The following C8orf34 variants were observed in gnomAD, a reference collection of about 807,000 sequenced individuals.
C8orf34 encodes uncharacterized protein C8orf34.
A neutral mutation model predicts 68.3 loss-of-function variants in C8orf34; 65 were observed. That is an observed-to-expected ratio of 0.95 (90% CI 0.78 to 1.17). The LOEUF is 1.17. Ranked by LOEUF, C8orf34 falls within the 50% of genes most tolerant of loss-of-function variation. The pLI is 0.00. For missense variants in C8orf34, 664 were observed against 655.4 expected (o/e 1.01, Z -0.14); for synonymous variants, 244 against 241.2 (o/e 1.01, Z -0.11).
At chr8:68,748,767 G>A in intron 10 of C8orf34, among the ~76,000 whole-genome samples, 1 of 152,160 alleles carries the variant, frequency 6.6e-6, no homozygotes, top group Non-Finnish European at 1.5e-5. Flanking sequence ...GGAGAAATAG[G>A]AACACTTCTA....
At chr8:68,684,509 T>C (rs1820456356) in intron 8 of C8orf34, among the ~76,000 whole-genome samples, 1 of 152,146 alleles carries the variant, frequency 6.6e-6, no homozygotes, top group South Asian at 2.1e-4. Context: ...AGCTAGCCAT[T>C]CTCCTTTTAT....
chr8:68,416,509 A>ATT (rs1809671483), intron 1 of C8orf34, among the ~76,000 whole-genome samples: 3 of 143,642 alleles, frequency 2.1e-5, no homozygotes, highest in Non-Finnish European at 4.5e-5. Flanking sequence ...TTTATTAAAC[A>ATT]TACATTTATT....
chr8:68,741,501 G>A (rs1050893515), intron 10 of C8orf34, among the ~76,000 whole-genome samples: 5 of 152,078 alleles, frequency 3.3e-5, no homozygotes, highest in Non-Finnish European at 5.9e-5. Context: ...ATTTTTAAAT[G>A]TACAGTTAAA....
chr8:68,533,806 C>T (rs1472273846), intron 7 of C8orf34: 3 of 980,918 alleles, frequency 3.1e-6, no homozygotes, highest in African/African-American at 3.5e-5. Context: ...TTTGGAACAT[C>T]ATTTTTCTGA....
At chr8:68,721,927 A>G (rs1431156338) in intron 10 of C8orf34, among the ~76,000 whole-genome samples, 1 of 152,030 alleles carries the variant, frequency 6.6e-6, no homozygotes, top group Admixed American at 6.6e-5. Flanking sequence ...TAAATTTTTT[A>G]CAAATTCTAA....
intron 1 of C8orf34, among the ~76,000 whole-genome samples, chr8:68,368,100 G>T (rs1440094813): frequency 6.6e-6 from 1 of 152,020 alleles, no homozygotes; most frequent in Non-Finnish European, 1.5e-5. Context: ...TTTCAGCTCA[G>T]CAAAGTCATT....
At chr8:68,494,916 A>G (rs888011561) in intron 5 of C8orf34, among the ~76,000 whole-genome samples, 7 of 150,952 alleles carry the variant, frequency 4.6e-5, no homozygotes, top group Non-Finnish European at 5.9e-5. Context: ...AAATATATAT[A>G]TATCTCAAAA....
chr8:68,739,207 T>C (rs186347122), intron 10 of C8orf34, among the ~76,000 whole-genome samples: 102 of 152,190 alleles, frequency 6.7e-4, no homozygotes, highest in Admixed American at 3.1e-3. Context: ...ATTATCTCAA[T>C]AGATACAGAA....
chr8:68,684,020 G>A (rs1009706660), intron 8 of C8orf34, among the ~76,000 whole-genome samples: 2 of 152,152 alleles, frequency 1.3e-5, no homozygotes, highest in African/African-American at 2.4e-5. Context: ...AAAATAGTAA[G>A]CATTATGTGT....
At chr8:68,539,590 G>A (rs1374083309) in intron 7 of C8orf34, among the ~76,000 whole-genome samples, 4 of 152,074 alleles carry the variant, frequency 2.6e-5, no homozygotes, top group East Asian at 1.9e-4. Context: ...GGTGGCTCAC[G>A]CCTGTAATCC....
chr8:68,577,773 A>C (rs1203429012), intron 7 of C8orf34, among the ~76,000 whole-genome samples: 1 of 151,990 alleles, frequency 6.6e-6, no homozygotes, highest in Non-Finnish European at 1.5e-5. Context: ...GGATTGTAAA[A>C]TAAACGTGGT....
chr8:68,472,561 G>C (rs1055137386), intron 4 of C8orf34, among the ~76,000 whole-genome samples: 3 of 152,096 alleles, frequency 2.0e-5, no homozygotes, highest in African/African-American at 7.2e-5. Flanking sequence ...GAATCCTGAA[G>C]GCCATCTTAG....
chr8:68,772,853 C>CTCCTTCCTTCCTTCTTTCCT (rs1823393030), intron 10 of C8orf34, among the ~76,000 whole-genome samples: 1 of 141,586 alleles, frequency 7.1e-6, no homozygotes, highest in African/African-American at 2.6e-5. Context: ...CTCTCTTTCT[C>CTCCTTCCTTCCTTCTTTCCT]TCCTTCCTTC....
intron 8 of C8orf34, among the ~76,000 whole-genome samples, chr8:68,701,725 A>G (rs1163824791): frequency 6.6e-6 from 1 of 151,974 alleles, no homozygotes; most frequent in Non-Finnish European, 1.5e-5. Context: ...TATGTTTCAA[A>G]ACTCTCCAGT....
intron 7 of C8orf34, among the ~76,000 whole-genome samples, chr8:68,595,877 C>G (rs1392315541): frequency 6.6e-6 from 1 of 151,968 alleles, no homozygotes; most frequent in Non-Finnish European, 1.5e-5. Flanking sequence ...TTATATTTAA[C>G]AATTTCAGTT....
chr8:68,647,549 A>G (rs1196455344), intron 8 of C8orf34, among the ~76,000 whole-genome samples: 1 of 152,160 alleles, frequency 6.6e-6, no homozygotes, highest in Non-Finnish European at 1.5e-5. Flanking sequence ...GGACTGACAC[A>G]TTGTACTGGG....
At position 68,492,908 on chromosome 8, in the gene C8orf34, C is replaced by T. The variant is rs553183592; in HGVS notation, c.765+4857C>T. ...CACAGAAAGGCTTTGGATTGAATGTCGGCACCTGCCATTTACTAACTACAT... is the reference window on the plus strand; with the variant it reads ...CACAGAAAGGCTTTGGATTGAATGTTGGCACCTGCCATTTACTAACTACAT... On this transcript the variant is annotated intron_variant, in intron 5 of 13. Transcript: ENST00000518698. 5.1e-4 allele frequency among the ~76,000 whole-genome samples: 77 copies of T among 152,248 alleles called. 1 individual carries two copies. The highest frequency in any genetic ancestry group is 1.7e-3 in the African/African-American group (70 of 41,556).
intron 12 of C8orf34, among the ~76,000 whole-genome samples, chr8:68,794,041 T>C (rs1336318883): frequency 1.3e-5 from 2 of 152,188 alleles, no homozygotes; most frequent in African/African-American, 4.8e-5. Context: ...AAATGTTATA[T>C]TCATAAGCTA....
intron 8 of C8orf34, among the ~76,000 whole-genome samples, chr8:68,648,313 A>G (rs1335363087): frequency 3.3e-5 from 5 of 152,240 alleles, no homozygotes; most frequent in African/African-American, 1.2e-4. Context: ...TTCCTGGCTT[A>G]ACAAAATTAT....
Sources: allele counts gnomAD v4.1 joint callset (sites outside exome capture counted in the v4.1 genomes callset), GRCh38; gene constraint gnomAD v4.1.1; transcripts MANE v1.5; gene names NCBI Gene and HGNC (gene_info 2026-07-23, HGNC 2026-07-21).